The following WDR75 variants were observed in gnomAD, a reference collection of about 807,000 sequenced individuals.
WDR75 encodes WD repeat-containing protein 75.
A neutral mutation model predicts 106.1 loss-of-function variants in WDR75; 52 were observed. That is an observed-to-expected ratio of 0.49 (90% CI 0.39 to 0.62). The LOEUF is 0.62. WDR75 is among the 20% of genes least tolerant of loss of function. The probability of loss-of-function intolerance (pLI) is 0.00; values close to 1 mark genes in which losing one functional copy is unlikely to be tolerated. For missense variants in WDR75, 905 were observed against 970.3 expected (o/e 0.93, Z 0.89); for synonymous variants, 333 against 335.5 (o/e 0.99, Z 0.08).
At chr2:189,458,513 T>A (rs531311300) in intron 6 of WDR75, among the ~76,000 whole-genome samples, 1 of 152,186 alleles carries the variant, frequency 6.6e-6, no homozygotes, top group Admixed American at 6.5e-5. Context: ...ATAGATAAAT[T>A]ATTATGGTAG....
chr2:189,466,339 T>G lies in WDR75; in HGVS notation c.1290-86T>G. 5 of 1,429,094 alleles carry G rather than the reference T, an allele frequency of 3.5e-6. No individual in the cohort carries two copies. The South Asian group carries it at 6.1e-5, about 17-fold the overall frequency. 88.5% of individuals were successfully genotyped at this position (1,429,094 alleles called of 1,614,324 possible). On this transcript the variant is annotated intron_variant, in intron 12 of 20. Transcript: ENST00000314761. ...CAGTTGCCTGTTGTTCAAGATGCTA[T>G]TGTAAAATGTACAGCATGTCAGAAA...
intron 9 of WDR75, 50 bp from the exon 10 acceptor site, chr2:189,463,644 G>A (rs1320949597): frequency 2.5e-6 from 4 of 1,596,192 alleles, no homozygotes; most frequent in Non-Finnish European, 2.6e-6. Context: ...GGTTGGACAA[G>A]CTTTCTCTAA....
At chr2:189,449,890 C>G (rs2106113350) in intron 2 of WDR75, 2 of 984,420 alleles carry the variant, frequency 2.0e-6, no homozygotes, top group South Asian at 4.7e-5. Flanking sequence ...TTGCCACTTT[C>G]TTTAAAAATA....
rs1686797256 is a variant in WDR75, at chr2:189,458,777, T to C, written c.594T>C (p.Asn198=). ...TSRFTLSSSR[N]KKHAKNNFTC... ...GGTTTACTTTATCATCATCAAGAAA[T>C]AAGAAGCATGCTAAAAACAATTTTA... Residue 198 remains asparagine, a synonymous_variant, in exon 7 of 21, where the codon AAT becomes AAC. Coordinates refer to ENST00000314761, the MANE Select transcript of WDR75 (RefSeq NM_032168.3). The C allele has an allele frequency of 6.3e-7, 1 of 1,595,142 alleles. No individual in the cohort carries two copies. Among genetic ancestry groups the C allele is most frequent in the Non-Finnish European group, 8.5e-7 (1 of 1,170,322 alleles).
At chr2:189,449,296 A>T (rs1032555698) in intron 2 of WDR75, 1 of 1,303,470 alleles carries the variant, frequency 7.7e-7, no homozygotes, top group Non-Finnish European at 1.0e-6. Context: ...ATTGCCATTC[A>T]CTTTTATTCC....
Position 189,466,432 on chromosome 2 carries a change from C to G in WDR75, c.1297C>G (p.Leu433Val). The G allele has an allele frequency of 6.2e-7, 1 of 1,612,310 alleles. No individual in the cohort carries two copies. Among genetic ancestry groups the G allele is most frequent in the South Asian group, 1.1e-5 (1 of 90,932 alleles). The stretch of plus-strand genomic sequence containing the variant: ...TGGTTTCCTTCCCGCTAGGTTTATT[C>G]TTAACACTAAAATTAACATGCCACA... The part of the protein sequence containing the change: ...MYNKKTQGFI[L>V]NTKINMPHED... Residue 433 changes from leucine (L) to valine (V), a missense_variant, in exon 13 of 21, where the codon CTT (leucine) becomes GTT (valine). Physicochemically the swap from Leu to Val is conservative, Grantham distance 32. Transcript: ENST00000314761.
chr2:189,464,686 T>G (rs1432126623), intron 11 of WDR75, among the ~76,000 whole-genome samples: 1 of 152,126 alleles, frequency 6.6e-6, no homozygotes, highest in Non-Finnish European at 1.5e-5. Context: ...TCTTAAAGAT[T>G]GTAGGTTTAT....
chr2:189,462,674 T>G, intron 9 of WDR75, 32 bp downstream of exon 9: 1 of 1,596,226 alleles, frequency 6.3e-7, no homozygotes, highest in East Asian at 2.2e-5. Context: ...TGAGGAAATA[T>G]ATAAACACCA....
chr2:189,454,592 G>A (rs2105557876), intron 4 of WDR75, among the ~76,000 whole-genome samples: 1 of 151,922 alleles, frequency 6.6e-6, no homozygotes, highest in Middle Eastern at 3.4e-3. Context: ...CACAGTCTCG[G>A]CTCACTGCAA....
rs190390933 is a variant in WDR75, at chr2:189,448,811, A to G, written c.216+303A>G. On this transcript the variant is annotated intron_variant, in intron 2 of 20. Coordinates refer to ENST00000314761, the MANE Select transcript of WDR75 (RefSeq NM_032168.3). ...TTGTAATCTTTTTAGGTTCCCTTAC[A>G]TGCATTGCGAATATCCAAAAGAGGT... The G allele has an allele frequency of 6.0e-3, 3,017 of 502,014 alleles. 19 individuals carry two copies. Among genetic ancestry groups the G allele is most frequent in the Non-Finnish European group, 0.011 (2,627 of 247,334 alleles). The allele number at this position is 502,014 out of a possible 1,614,324, so 31.1% of individuals were successfully genotyped here. A position where few individuals can be genotyped will look rare whatever the true frequency, so the allele number is the denominator to read the frequency against.
intron 4 of WDR75, among the ~76,000 whole-genome samples, chr2:189,453,012 A>G (rs926208110): frequency 7.2e-5 from 11 of 152,194 alleles, no homozygotes; most frequent in Admixed American, 2.0e-4. Flanking sequence ...GACAAAAAGA[A>G]AGAAAAGTAA....
intron 2 of WDR75, chr2:189,448,980 G>A: frequency 2.4e-6 from 1 of 415,552 alleles, no homozygotes; most frequent in South Asian, 1.9e-5. Context: ...TCTAGATATT[G>A]CCTAGTCTTA....
In WDR75 at chr2:189,465,078, G is replaced by C; in HGVS notation, c.1114-1G>C. On this transcript the variant is annotated splice_acceptor_variant, in intron 11 of 20. Transcript: ENST00000314761. LOFTEE classifies it high-confidence loss of function. Reference sequence around the variant, plus strand: ...GTTTTTTGGTTTTTTTTACTCATCAGTTAGATATTATACAGCAAGAATATA... The same window carrying C: ...GTTTTTTGGTTTTTTTTACTCATCACTTAGATATTATACAGCAAGAATATA... 1 of 1,561,380 alleles carries C rather than the reference G, an allele frequency of 6.4e-7. No individual in the cohort carries two copies. Among genetic ancestry groups the C allele is most frequent in the Non-Finnish European group, 8.7e-7 (1 of 1,151,932 alleles).
chr2:189,451,270 T>C (rs1266410782), intron 3 of WDR75, among the ~76,000 whole-genome samples: 1 of 152,110 alleles, frequency 6.6e-6, no homozygotes, highest in Non-Finnish European at 1.5e-5. Context: ...AATATGTAAA[T>C]TCACAGAAAA....
Position 189,474,512 on chromosome 2 carries a change from GGT to G in WDR75, c.2196+183_2196+184del, listed in dbSNP as rs535233160. On this transcript the variant is annotated intron_variant, in intron 19 of 20. Transcript: ENST00000314761. ...TCTGGGATTGTTTTGTCCTGGACCT[GGT>G]GTAGGGATAGGGGTGGTTGTTGGCA... Among the ~76,000 whole-genome samples the G allele has an allele frequency of 2.1e-3, 324 of 152,272 alleles. 2 individuals are homozygous for G. The highest frequency in any genetic ancestry group is 1.7e-3 in the Non-Finnish European group (116 of 68,028).
chr2:189,473,483 G>A (rs1184816998), intron 18 of WDR75, among the ~76,000 whole-genome samples: 2 of 152,124 alleles, frequency 1.3e-5, no homozygotes, highest in Admixed American at 1.3e-4. Context: ...CCTGCCTAAA[G>A]GATTTAGACC....
intron 2 of WDR75, chr2:189,449,596 A>T: frequency 9.6e-7 from 1 of 1,039,680 alleles, no homozygotes; most frequent in Non-Finnish European, 1.2e-6. Flanking sequence ...AAGTGAGTAA[A>T]ATTAGAGAAG....
intron 13 of WDR75, among the ~76,000 whole-genome samples, chr2:189,467,121 G>C (rs889116609): frequency 1.3e-5 from 2 of 151,976 alleles, no homozygotes; most frequent in African/African-American, 4.8e-5. Flanking sequence ...GCCTGAAACT[G>C]CAGATAGTAC....
intron 5 of WDR75, among the ~76,000 whole-genome samples, 193 bp from the exon 6 acceptor site, chr2:189,457,118 G>A (rs1031200581): frequency 3.3e-5 from 5 of 152,032 alleles, no homozygotes; most frequent in African/African-American, 1.2e-4. Context: ...GTAGGTGCCT[G>A]TAATCCCAGC....
Sources: allele counts gnomAD v4.1 joint callset (sites outside exome capture counted in the v4.1 genomes callset), GRCh38; gene constraint gnomAD v4.1.1; transcripts MANE v1.5; gene names NCBI Gene and HGNC (gene_info 2026-07-23, HGNC 2026-07-21).